Variants in E2F8 observed in about 807,000 individuals in gnomAD.
The protein encoded by E2F8 is transcription factor E2F8.
Under a neutral mutation model 80.8 loss-of-function variants are expected in E2F8, and 35 were observed. The observed-to-expected ratio is 0.43, with a 90% confidence interval of 0.33 to 0.57. The LOEUF is 0.57. E2F8 is among the 20% of genes least tolerant of loss of function. The pLI is 0.04. For missense variants in E2F8, 975 were observed against 1,056.2 expected (o/e 0.92, Z 1.07); for synonymous variants, 386 against 395.0 (o/e 0.98, Z 0.27).
In E2F8 at chr11:19,225,536, G is replaced by C. The variant is rs781746793; in HGVS notation, c.2106C>G (p.Val702=). The change falls in exon 12 of 13, where the codon GTC becomes GTG. Residue 702 remains valine, a synonymous_variant. Coordinates refer to ENST00000250024, the MANE Select transcript of E2F8 (RefSeq NM_024680.4). ...SFHVTPLKLM[V]SPTSVAAVPV... ...GTACGGCTGCCACGGAAGTTGGTGA[G>C]ACCATTAGCTTCAACGGTGTTACAT... 2.5e-5 allele frequency: 41 copies of C among 1,614,212 alleles called. No individual in the cohort carries two copies. Among genetic ancestry groups the C allele is most frequent in the Non-Finnish European group, 3.1e-5 (37 of 1,180,048 alleles).
At chr11:19,234,710 C>G (rs781484253) in intron 5 of E2F8, 34 bp downstream of exon 5, 1 of 1,580,814 alleles carries the variant, frequency 6.3e-7, no homozygotes, top group Non-Finnish European at 8.6e-7. Flanking sequence ...GGACAAATGC[C>G]ATGCCGCCTG....
In E2F8 at chr11:19,239,706, GC is replaced by G. The variant is rs565549720; in HGVS notation, c.15+400del. ...CGAATTTTTGAAGAGGGGTAGGTTT[GC>G]CCCTTTACACTCTTTCTAGTTTTTA... On this transcript the variant is annotated intron_variant, in intron 2 of 12. Coordinates refer to ENST00000250024, the MANE Select transcript of E2F8 (RefSeq NM_024680.4). 7.3e-5 allele frequency among the ~76,000 whole-genome samples: 11 copies of G among 151,240 alleles called. No homozygotes were observed. The South Asian group carries it at 2.3e-3, about 32-fold the overall frequency.
intron 8 of E2F8, 77 bp downstream of exon 8, chr11:19,230,554 C>G: frequency 6.7e-7 from 1 of 1,495,036 alleles, no homozygotes; most frequent in Non-Finnish European, 9.2e-7. Flanking sequence ...ACAACTATTG[C>G]AAGGATCAAG....
intron 4 of E2F8, 81 bp from the exon 5 acceptor site, chr11:19,235,139 T>C (rs1851480539): frequency 2.4e-6 from 3 of 1,271,948 alleles, no homozygotes; most frequent in Admixed American, 5.2e-5. Context: ...ATTGGTTTAT[T>C]AGTCAGTAGG....
At position 19,229,392 on chromosome 11, in the gene E2F8, C is replaced by G. The variant is rs1223697876; in HGVS notation, c.1893+62G>C. On this transcript the variant is annotated intron_variant, in intron 10 of 12. Transcript: ENST00000250024. The surrounding 1 kb of genome is among the most constrained non-coding windows in gnomAD (Gnocchi z 4.3). ...CTCTTCGGTAAATTTCACAAGCCAC[C>G]AATCTTCCTGTAATAGACTAGGGAA... is the stretch of plus-strand genomic sequence containing the variant. 1.3e-6 allele frequency: 2 copies of G among 1,528,918 alleles called. No homozygotes were observed. Among genetic ancestry groups the G allele is most frequent in the Non-Finnish European group, 1.8e-6 (2 of 1,140,836 alleles). The allele number at this position is 1,528,918 out of a possible 1,614,324, so 94.7% of individuals were successfully genotyped here.
chr11:19,234,717 C>T (rs1851466781), intron 5 of E2F8, 27 bp downstream of exon 5: 3 of 1,589,500 alleles, frequency 1.9e-6, no homozygotes, highest in Non-Finnish European at 2.6e-6. Flanking sequence ...TGCCATGCCG[C>T]CTGGAGTTTT....
intron 10 of E2F8, among the ~76,000 whole-genome samples, chr11:19,226,462 A>G (rs897913144): frequency 6.6e-6 from 1 of 152,200 alleles, no homozygotes; most frequent in East Asian, 1.9e-4. Flanking sequence ...TTTGGCAACT[A>G]TATTTTCAGT....
chr11:19,241,452 A>G (rs1851664883), upstream of E2F8: 2 of 152,724 alleles, frequency 1.3e-5, no homozygotes, highest in Admixed American at 1.3e-4. This position sits in a 1 kb window ranked among gnomAD's most constrained non-coding sequence, Gnocchi z 4.5. Flanking sequence ...CTGAGCCGGG[A>G]CTCGTCAGCA....
chr11:19,225,993 G>T, intron 10 of E2F8, 129 bp from the exon 11 acceptor site: 1 of 1,108,934 alleles, frequency 9.0e-7, no homozygotes, highest in Non-Finnish European at 1.3e-6. Context: ...GGAGTGGGCT[G>T]CAGGCAGGCT....
At position 19,224,617 on chromosome 11, in the gene E2F8, A is replaced by C. The variant is rs764563214; in HGVS notation, c.*41T>G. On this transcript the variant is annotated 3_prime_UTR_variant, in exon 13 of 13. Coordinates refer to ENST00000250024, the MANE Select transcript of E2F8 (RefSeq NM_024680.4). The stretch of plus-strand genomic sequence containing the variant: ...CAGTCTGTGTACATTTTCTCTATTA[A>C]ACAACTCTTTAGAAAATTAAACTAA... 2 of 1,600,476 alleles carry C rather than the reference A, an allele frequency of 1.2e-6. No individual in the cohort carries two copies. The highest frequency in any genetic ancestry group is 1.7e-6 in the Non-Finnish European group (2 of 1,169,658).
At chr11:19,232,185 AAC>A (rs1851399968) in intron 7 of E2F8, 47 bp downstream of exon 7, 1 of 1,597,800 alleles carries the variant, frequency 6.3e-7, no homozygotes. Context: ...AAATTAGAAA[AAC>A]ACACACACAA....
chr11:19,235,176 G>T, intron 4 of E2F8, 118 bp from the exon 5 acceptor site: 1 of 905,340 alleles, frequency 1.1e-6, no homozygotes, highest in Non-Finnish European at 1.6e-6. Flanking sequence ...TTTCCTAACT[G>T]TAAGTGAACA....
rs758702181 is a variant in E2F8, at chr11:19,235,030, G to C, written c.480C>G (p.Ile160Met). The part of the protein sequence containing the change: ...LNVERRRIYD[I>M]VNVLESLHMV... The stretch of plus-strand genomic sequence containing the variant: ...TATGTAAACTCTCTAGGACGTTCAC[G>C]ATATCGTAAATGCGTCGACGTTCAA... Residue 160 changes from isoleucine to methionine, a missense_variant, in exon 5 of 13, where the codon ATC becomes ATG. Ile to Met is a conservative substitution (Grantham distance 10). Transcript: ENST00000250024. 1.2e-6 allele frequency: 2 copies of C among 1,609,872 alleles called. No individual in the cohort carries two copies. The highest frequency in any genetic ancestry group is 1.1e-5 in the South Asian group (1 of 90,436).
intron 9 of E2F8, 32 bp from the exon 10 acceptor site, chr11:19,230,020 G>A (rs748034596): frequency 6.2e-7 from 1 of 1,609,726 alleles, no homozygotes; most frequent in Admixed American, 1.7e-5. Flanking sequence ...ACGACATGAT[G>A]GATATACATT....
Position 19,225,788 on chromosome 11 carries a change from T to C in E2F8, c.1970A>G (p.Lys657Arg). The C allele has an allele frequency of 6.2e-7, 1 of 1,614,110 alleles. No homozygotes were observed. The highest frequency in any genetic ancestry group is 1.1e-5 in the South Asian group (1 of 91,078). Residue 657 changes from lysine to arginine, a missense_variant, in exon 11 of 13, where the codon AAA becomes AGA. By Grantham distance (26) the Lys-to-Arg change is conservative. Transcript: ENST00000250024. The part of the protein sequence containing the change: ...SLGAESILSG[K>R]ENSSALSPNH... ...TGGGGAAAGAGCACTTGAGTTTTCT[T>C]TACCAGACAAAATGGACTCTGCCCC...
At chr11:19,234,280 C>T in intron 6 of E2F8, 80 bp downstream of exon 6, 17 of 1,501,300 alleles carry the variant, frequency 1.1e-5, no homozygotes, top group Non-Finnish European at 1.5e-5. Flanking sequence ...CCTATGTTTC[C>T]TAATTTGGAA....
Position 19,224,469 on chromosome 11 carries a change from AT to A in E2F8, c.*188del, listed in dbSNP as rs1851173842. On this transcript the variant is annotated 3_prime_UTR_variant, in exon 13 of 13. Transcript: ENST00000250024. ...GCTAAACTTAGCTTTATACAAATAT[AT>A]GTGTGTGTGTGTGTGTGTGTGTGTG... 3.0e-6 allele frequency: 1 copy of A among 338,052 alleles called. No homozygotes were observed. Among genetic ancestry groups the A allele is most frequent in the East Asian group, 4.7e-5 (1 of 21,296 alleles). 20.9% of individuals were successfully genotyped at this position (338,052 alleles called of 1,614,324 possible).
At chr11:19,236,902 G>A (rs1238067671) in intron 4 of E2F8, among the ~76,000 whole-genome samples, 1 of 152,218 alleles carries the variant, frequency 6.6e-6, no homozygotes, top group African/African-American at 2.4e-5. Context: ...GTCCAGGAGT[G>A]CACAGGTCCT....
In E2F8 at chr11:19,234,391, A is replaced by C. The variant is rs1428899051; in HGVS notation, c.897T>G (p.His299Gln). 1 of 1,614,034 alleles carries C rather than the reference A, an allele frequency of 6.2e-7. No homozygotes were observed. Among genetic ancestry groups the C allele is most frequent in the African/African-American group, 1.3e-5 (1 of 74,918 alleles). Reference protein sequence around the residue: ...VAAKILIGEDHVEDLDKSKFK... With the variant: ...VAAKILIGEDQVEDLDKSKFK... ...ACTTGCTTTTATCCAAATCTTCCAC[A>C]TGGTCCTCCCCAATTAAAATCTTGG... is the stretch of plus-strand genomic sequence containing the variant. Residue 299 changes from histidine to glutamine, a missense_variant, in exon 6 of 13, where the codon CAT (histidine) becomes CAG (glutamine). His to Gln is a conservative substitution (Grantham distance 24, BLOSUM62 0). Transcript: ENST00000250024.
Sources: allele counts gnomAD v4.1 joint callset (sites outside exome capture counted in the v4.1 genomes callset), GRCh38; gene constraint gnomAD v4.1.1; non-coding constraint Gnocchi (gnomAD v3.1); transcripts MANE v1.5; gene names NCBI Gene and HGNC (gene_info 2026-07-23, HGNC 2026-07-21).